TENM1: variants seen among roughly 807,000 people sequenced by gnomAD.
TENM1 encodes teneurin transmembrane protein 1, also known as teneurin-1.
A neutral mutation model predicts 174.8 loss-of-function variants in TENM1; 35 were observed. The observed-to-expected ratio is 0.20, with a 90% CI of 0.15 to 0.27. The LOEUF (loss-of-function observed/expected upper bound fraction) is 0.27, where lower values mean the gene tolerates loss of function less well. Among genes scored for constraint, TENM1 ranks in the 10% least tolerant of loss-of-function variants. The pLI, the probability that TENM1 is intolerant of heterozygous loss-of-function variation, is 1.00. For missense variants in TENM1, 1,633 were observed against 2,130.1 expected (o/e 0.77, Z 4.59); for synonymous variants, 781 against 798.7 (o/e 0.98, Z 0.37).
At chrX:124,574,269 C>A (rs2049117882) in intron 11 of TENM1, among the ~76,000 whole-genome samples, 1 of 111,328 alleles carries the variant, frequency 9.0e-6, no homozygotes, top group South Asian at 3.8e-4. Flanking sequence ...TTCAGAGCCT[C>A]CCTCAGAACC....
chrX:124,550,202 A>T (rs2048529145), intron 14 of TENM1, among the ~76,000 whole-genome samples: 1 of 111,775 alleles, frequency 8.9e-6, no homozygotes, highest in Admixed American at 9.5e-5. Context: ...TGATCAAGTC[A>T]TCACTAGTAA....
the TENM1 span, among the ~76,000 whole-genome samples, chrX:125,093,640 C>CA: frequency 9.0e-6 from 1 of 111,439 alleles, no homozygotes; most frequent in Non-Finnish European, 1.9e-5. Flanking sequence ...ATACATGCCC[C>CA]ATTTTCCATT....
the TENM1 span, among the ~76,000 whole-genome samples, chrX:125,140,621 G>T: frequency 8.9e-6 from 1 of 112,084 alleles, no homozygotes; most frequent in Admixed American, 9.5e-5. Context: ...CTAACACATA[G>T]AAATGATAAA....
chrX:124,632,416 TTGGTAGCTGGGGTACAAGTCAAGTTC>T (rs2050782947), intron 11 of TENM1, among the ~76,000 whole-genome samples: 1 of 111,327 alleles, frequency 9.0e-6, no homozygotes, highest in African/African-American at 3.3e-5. Context: ...TACTGGAAAT[TTGGTAGCTGGGGTACAAGTCAAGTTC>T]TTTATAGCAG....
At chrX:124,720,829 G>C (rs2053293547) in intron 4 of TENM1, among the ~76,000 whole-genome samples, 2 of 112,109 alleles carry the variant, frequency 1.8e-5, no homozygotes, top group South Asian at 7.5e-4. Context: ...GGGAAGTGTG[G>C]TGTCTTCTTC....
At chrX:124,501,827 G>T (rs1475015795) in intron 19 of TENM1, among the ~76,000 whole-genome samples, 1 of 111,813 alleles carries the variant, frequency 8.9e-6, no homozygotes, top group African/African-American at 3.2e-5. Context: ...CATCCCAAGA[G>T]AGGTTTTCGT....
intron 20 of TENM1, among the ~76,000 whole-genome samples, chrX:124,496,137 T>C (rs1003017982): frequency 3.6e-5 from 4 of 110,250 alleles, no homozygotes; most frequent in African/African-American, 3.3e-5. Context: ...CCCTATTTAA[T>C]AAATGATGCT....
the TENM1 span, among the ~76,000 whole-genome samples, chrX:125,178,586 T>G: frequency 9.0e-6 from 1 of 111,679 alleles, no homozygotes; most frequent in African/African-American, 3.3e-5. Flanking sequence ...TGTATGGTAC[T>G]CTTCTATTTT....
chrX:124,969,651 G>A, the TENM1 span, among the ~76,000 whole-genome samples: 1 of 111,682 alleles, frequency 9.0e-6, no homozygotes, highest in Non-Finnish European at 1.9e-5. Context: ...GAAAACCAAG[G>A]AACAGAGAAG....
the TENM1 span, among the ~76,000 whole-genome samples, chrX:125,110,587 A>AT: frequency 0.079 from 8,143 of 103,224 alleles, 772 homozygotes; most frequent in African/African-American, 0.27. Context: ...CCCCTATCCC[A>AT]TTTTTTTTTT....
At chrX:124,958,599 AT>A (rs2058611370) in intron 1 of TENM1, among the ~76,000 whole-genome samples, 2 of 111,439 alleles carry the variant, frequency 1.8e-5, no homozygotes, top group South Asian at 7.7e-4. Flanking sequence ...ACCTCCTGAC[AT>A]AGGTATGGAA....
chrX:124,859,747 T>C (rs1309837994), intron 3 of TENM1, among the ~76,000 whole-genome samples: 1 of 111,649 alleles, frequency 9.0e-6, no homozygotes, highest in Non-Finnish European at 1.9e-5. Flanking sequence ...GGTTTTCTTA[T>C]GTCCATATCC....
the TENM1 span, among the ~76,000 whole-genome samples, chrX:125,197,867 T>A: frequency 3.0e-3 from 339 of 112,141 alleles, 6 homozygotes; most frequent in East Asian, 0.075. Flanking sequence ...CTTTCCATTC[T>A]TTGTTTCATT....
At chrX:124,663,851 A>G (rs1172381403) in intron 6 of TENM1, among the ~76,000 whole-genome samples, 1 of 111,271 alleles carries the variant, frequency 9.0e-6, no homozygotes, top group African/African-American at 3.3e-5. Context: ...TTTTTAATAC[A>G]ATAAATAAGT....
At chrX:124,589,000 G>C (rs768270536) in intron 11 of TENM1, among the ~76,000 whole-genome samples, 19 of 110,349 alleles carry the variant, frequency 1.7e-4, no homozygotes, top group Admixed American at 1.6e-3. Context: ...AATGCTTCCA[G>C]TTTTTGCCTG....
intron 23 of TENM1, among the ~76,000 whole-genome samples, chrX:124,425,825 G>T (rs752977396): frequency 9.0e-6 from 1 of 111,413 alleles, no homozygotes; most frequent in East Asian, 2.8e-4. Context: ...CCTGGCTGCT[G>T]TCCAGACCAT....
intron 1 of TENM1, among the ~76,000 whole-genome samples, chrX:124,950,881 C>G (rs1158172423): frequency 9.0e-6 from 1 of 111,415 alleles, no homozygotes; most frequent in Non-Finnish European, 1.9e-5. Flanking sequence ...AGTAAAAGTG[C>G]ACGTGTTTTA....
chrX:124,875,873 C>CAAAA lies in TENM1; in HGVS notation c.535+18419_535+18422dup, dbSNP rs60294401. ...CCTGAGAAACTGAGTGAGACTGTCT[C>CAAAA]AAAAAAAAAAAAAAAAAAAATCCTT... On this transcript the variant is annotated intron_variant, in intron 3 of 31. Transcript: ENST00000422452. 2.4e-3 allele frequency among the ~76,000 whole-genome samples: 136 copies of CAAAA among 56,747 alleles called. 1 individual carries two copies. The highest frequency in any genetic ancestry group is 8.0e-3 in the African/African-American group (125 of 15,671). 49.3% of individuals were successfully genotyped at this position (56,747 alleles called of 115,157 possible).
chrX:124,504,604 T>C (rs1039120150), intron 18 of TENM1, among the ~76,000 whole-genome samples: 1 of 111,726 alleles, frequency 9.0e-6, no homozygotes, highest in Admixed American at 9.6e-5. Flanking sequence ...TGGCTCATTA[T>C]ACTGCATATC....
Sources: gnomAD v4.1 joint callset for allele counts (sites outside exome capture counted in the v4.1 genomes callset) on GRCh38, gnomAD v4.1.1 for gene constraint, MANE v1.5 for transcripts, NCBI Gene and HGNC (gene_info 2026-07-23, HGNC 2026-07-21) for gene names.